Variants in NPAS3 observed in about 807,000 individuals in gnomAD.
The protein encoded by NPAS3 is neuronal PAS domain-containing protein 3.
A neutral mutation model predicts 73.1 loss-of-function variants in NPAS3; 14 were observed. That is an observed-to-expected ratio of 0.19 (90% CI 0.13 to 0.30). NPAS3 has a LOEUF of 0.30. NPAS3 is among the 10% of genes least tolerant of loss of function. The pLI is 1.00. For synonymous variants in NPAS3, 620 were observed against 541.5 expected (o/e 1.14, Z -2.01); for missense variants, 1,096 against 1,250.0 (o/e 0.88, Z 1.86).
intron 6 of NPAS3, among the ~76,000 whole-genome samples, chr14:33,702,740 C>T (rs913415125): frequency 2.0e-5 from 3 of 152,134 alleles, no homozygotes; most frequent in African/African-American, 7.2e-5. Flanking sequence ...AAGATAGAGA[C>T]CTCATCTAAC....
At chr14:33,331,603 T>A (rs1300408771) in intron 3 of NPAS3, among the ~76,000 whole-genome samples, 1 of 151,354 alleles carries the variant, frequency 6.6e-6, no homozygotes, top group Admixed American at 6.6e-5. Flanking sequence ...GCTATTACTG[T>A]TTCTGGGACT....
chr14:33,420,561 TGTTA>T (rs769082219), intron 4 of NPAS3, among the ~76,000 whole-genome samples: 1 of 151,874 alleles, frequency 6.6e-6, no homozygotes, highest in African/African-American at 2.4e-5. Flanking sequence ...CATATGGGCC[TGTTA>T]GTTAGCCAAA....
intron 3 of NPAS3, among the ~76,000 whole-genome samples, chr14:33,244,433 G>T (rs2048311580): frequency 6.6e-6 from 1 of 151,940 alleles, no homozygotes; most frequent in Non-Finnish European, 1.5e-5. Context: ...TAGGAATAAA[G>T]ATTTTGAGAT....
At chr14:33,792,382 G>A (rs1013357072) in intron 9 of NPAS3, among the ~76,000 whole-genome samples, 2 of 151,964 alleles carry the variant, frequency 1.3e-5, no homozygotes, top group African/African-American at 4.8e-5. Flanking sequence ...ATTTTACAAC[G>A]GTCCCGTTAG....
intron 6 of NPAS3, among the ~76,000 whole-genome samples, chr14:33,721,643 T>C (rs1406682281): frequency 2.0e-5 from 3 of 152,216 alleles, no homozygotes; most frequent in Admixed American, 6.5e-5. Flanking sequence ...CTATGTCAAG[T>C]ATTTTATGTG....
chr14:33,447,720 C>T (rs2049584278), intron 4 of NPAS3, among the ~76,000 whole-genome samples: 1 of 152,028 alleles, frequency 6.6e-6, no homozygotes, highest in African/African-American at 2.4e-5. Context: ...TTCAAGCCAG[C>T]CTGGGCAACA....
intron 6 of NPAS3, among the ~76,000 whole-genome samples, chr14:33,702,434 T>C (rs1480209991): frequency 6.6e-6 from 1 of 152,232 alleles, no homozygotes; most frequent in Non-Finnish European, 1.5e-5. Flanking sequence ...TAACAAATTA[T>C]TCTATAAATA....
At chr14:33,587,460 C>G (rs1349497273) in intron 5 of NPAS3, among the ~76,000 whole-genome samples, 1 of 152,174 alleles carries the variant, frequency 6.6e-6, no homozygotes, top group Non-Finnish European at 1.5e-5. Context: ...GTTCCCTACT[C>G]TATGCTCTTC....
intron 2 of NPAS3, among the ~76,000 whole-genome samples, chr14:33,199,133 C>T (rs747114264): frequency 6.6e-6 from 1 of 152,144 alleles, no homozygotes; most frequent in Non-Finnish European, 1.5e-5. Flanking sequence ...CTCCACACCT[C>T]CCCGCAAGCA....
intron 3 of NPAS3, among the ~76,000 whole-genome samples, chr14:33,268,036 AT>A (rs201537414): frequency 7.9e-5 from 12 of 151,576 alleles, no homozygotes; most frequent in Non-Finnish European, 8.8e-5. Context: ...ATTCTTCTTG[AT>A]TTTTTTTTCA....
At chr14:33,270,879 TC>T (rs1433445006) in intron 3 of NPAS3, among the ~76,000 whole-genome samples, 1 of 152,130 alleles carries the variant, frequency 6.6e-6, no homozygotes, top group Non-Finnish European at 1.5e-5. Flanking sequence ...AAGACAGGGA[TC>T]ACTGGAAATA....
chr14:33,771,022 T>C (rs2062633805), intron 7 of NPAS3, among the ~76,000 whole-genome samples: 1 of 152,232 alleles, frequency 6.6e-6, no homozygotes, highest in African/African-American at 2.4e-5. Flanking sequence ...AGTATCACAG[T>C]TGTGCGGCTA....
At chr14:33,780,692 CAA>C in intron 9 of NPAS3, 1 of 442,016 alleles carries the variant, frequency 2.3e-6, no homozygotes, top group South Asian at 1.7e-5. Context: ...CCCCATTAAG[CAA>C]AGGTCTCCAA....
chr14:33,169,453 A>G (rs2045302849), intron 2 of NPAS3, among the ~76,000 whole-genome samples: 1 of 152,144 alleles, frequency 6.6e-6, no homozygotes, highest in South Asian at 2.1e-4. Context: ...CTGTAGTCCC[A>G]GCTACTTGGG....
intron 2 of NPAS3, among the ~76,000 whole-genome samples, chr14:33,113,784 G>T (rs956769671): frequency 6.6e-6 from 1 of 152,158 alleles, no homozygotes; most frequent in Non-Finnish European, 1.5e-5. Flanking sequence ...TGCCCATTCA[G>T]TGTGATATTG....
chr14:33,735,236 G>C, exon 7 of NPAS3: 1 of 1,613,510 alleles, frequency 6.2e-7, no homozygotes, highest in Non-Finnish European at 8.5e-7. Flanking sequence ...GCCCCAGTCT[G>C]CTAACCACTG....
chr14:33,789,162 G>A (rs2063271327), intron 9 of NPAS3, among the ~76,000 whole-genome samples: 1 of 152,126 alleles, frequency 6.6e-6, no homozygotes, highest in South Asian at 2.1e-4. Flanking sequence ...TATTGTAATT[G>A]TTAGCTAAGC....
At chr14:33,699,305 T>C (rs1449202004) in intron 6 of NPAS3, among the ~76,000 whole-genome samples, 1 of 152,236 alleles carries the variant, frequency 6.6e-6, no homozygotes, top group African/African-American at 2.4e-5. Flanking sequence ...ATTTTCTTAA[T>C]TATATTTTTA....
intron 4 of NPAS3, among the ~76,000 whole-genome samples, chr14:33,436,027 C>T (rs1192881361): frequency 6.6e-6 from 1 of 152,142 alleles, no homozygotes; most frequent in East Asian, 1.9e-4. Flanking sequence ...TCCAGCCAGC[C>T]ATAAAAGAGG....
Sources: gnomAD v4.1 joint callset for allele counts (sites outside exome capture counted in the v4.1 genomes callset) on GRCh38, gnomAD v4.1.1 for gene constraint, MANE v1.5 for transcripts, NCBI Gene and HGNC (gene_info 2026-07-23, HGNC 2026-07-21) for gene names.